Variants in RPS6KA2 observed in about 807,000 individuals in gnomAD.
RPS6KA2 encodes ribosomal protein S6 kinase A2.
In RPS6KA2, 42 loss-of-function variants were observed where a neutral mutation model predicts 91.8. The ratio of observed to expected loss-of-function variants is 0.46; its 90% CI spans 0.36 to 0.59. The LOEUF (loss-of-function observed/expected upper bound fraction) is 0.59. RPS6KA2 is among the 20% of genes least tolerant of loss of function. The pLI, the probability that RPS6KA2 is intolerant of heterozygous loss-of-function variation, is 0.00. For missense variants in RPS6KA2, 798 were observed against 978.5 expected, an observed-to-expected ratio of 0.82 and a Z score of 2.46; for synonymous variants, 414 against 393.6, an observed-to-expected ratio of 1.05 and a Z score of -0.61.
At chr6:166,850,249 A>C (rs983123295) in intron 2 of RPS6KA2, among the ~76,000 whole-genome samples, 19 of 152,182 alleles carry the variant, frequency 1.2e-4, no homozygotes, top group African/African-American at 4.6e-4. Context: ...GAAGGATAAC[A>C]AACTATACAA....
chr6:166,502,440 C>T (rs1782058226), intron 6 of RPS6KA2, among the ~76,000 whole-genome samples: 1 of 152,240 alleles, frequency 6.6e-6, no homozygotes, highest in Non-Finnish European at 1.5e-5. Context: ...ACAACCTTTT[C>T]CTTCAAGCTT....
At chr6:166,723,674 A>T (rs1026634716) in intron 2 of RPS6KA2, among the ~76,000 whole-genome samples, 3 of 151,788 alleles carry the variant, frequency 2.0e-5, no homozygotes, top group African/African-American at 7.3e-5. Flanking sequence ...CCTGAGTCAT[A>T]ATTTCCTTTT....
At position 166,508,428 on chromosome 6, in the gene RPS6KA2, TCA is replaced by T; in HGVS notation, c.380-148_380-147del. 1.6e-6 allele frequency: 1 copy of T among 612,530 alleles called. No individual in the cohort carries two copies. The highest frequency in any genetic ancestry group is 2.8e-5 in the East Asian group (1 of 35,428). The allele number at this position is 612,530 out of a possible 1,614,324, so 37.9% of individuals were successfully genotyped here. ...GGCAGGACCCCGGCTGGTGACCAGC[TCA>T]GAGGGGCAGCACCCGGCAGAGGGGG... is the stretch of plus-strand genomic sequence containing the variant. On this transcript the variant is annotated intron_variant, in intron 4 of 20. Transcript: ENST00000265678. The surrounding 1 kb of genome is among the most constrained non-coding windows in gnomAD (Gnocchi z 4.3).
rs573942012 is a variant in RPS6KA2, at chr6:166,612,682, C to T, written c.99+14239G>A. On this transcript the variant is annotated intron_variant, in intron 1 of 20. Transcript: ENST00000265678. This position sits in a 1 kb window ranked among gnomAD's most constrained non-coding sequence, Gnocchi z 4.3. Reference sequence around the variant, plus strand: ...CTCTGTCCGGGCGTCTGTTGTTACCCATGCTCGGGTAGGAAAATGCTGAGT... The same window carrying T: ...CTCTGTCCGGGCGTCTGTTGTTACCTATGCTCGGGTAGGAAAATGCTGAGT... Among the ~76,000 whole-genome samples the T allele has an allele frequency of 2.0e-5, 3 of 152,304 alleles. No homozygotes were observed. Among genetic ancestry groups the T allele is most frequent in the Non-Finnish European group, 4.4e-5 (3 of 68,024 alleles).
At chr6:166,451,074 C>A (rs923153360) in intron 13 of RPS6KA2, 29 bp downstream of exon 13, 2 of 1,613,296 alleles carry the variant, frequency 1.2e-6, no homozygotes, top group South Asian at 1.1e-5. Flanking sequence ...CCCTCTTACC[C>A]CCAACCCACT....
chr6:166,625,316 T>TCCCCC (rs1378588501), intron 1 of RPS6KA2, among the ~76,000 whole-genome samples: 1 of 73,578 alleles, frequency 1.4e-5, no homozygotes, highest in African/African-American at 7.9e-5. Flanking sequence ...CGTTTCCTAT[T>TCCCCC]CCCACCACCC....
intron 2 of RPS6KA2, among the ~76,000 whole-genome samples, chr6:166,649,574 A>C (rs201229703): frequency 3.3e-5 from 5 of 152,220 alleles, no homozygotes; most frequent in Non-Finnish European, 7.3e-5. Flanking sequence ...TTCTGAGGCC[A>C]ATGGTCTTTT....
At chr6:166,756,741 G>A (rs1017367910) in intron 2 of RPS6KA2, among the ~76,000 whole-genome samples, 1 of 152,164 alleles carries the variant, frequency 6.6e-6, no homozygotes, top group Non-Finnish European at 1.5e-5. Context: ...AGCTACTTAG[G>A]GGGCTGAGGC....
chr6:166,785,172 C>T (rs1445914267), intron 2 of RPS6KA2, among the ~76,000 whole-genome samples: 1 of 152,228 alleles, frequency 6.6e-6, no homozygotes, highest in Non-Finnish European at 1.5e-5. Context: ...AAGGCAGTCT[C>T]ATTCTGAAAT....
At chr6:166,804,670 CTT>C (rs1409358494) in intron 2 of RPS6KA2, among the ~76,000 whole-genome samples, 3 of 151,862 alleles carry the variant, frequency 2.0e-5, no homozygotes, top group Non-Finnish European at 4.4e-5. Context: ...TTTTATATCT[CTT>C]ATTGTTTTGT....
intron 2 of RPS6KA2, chr6:166,701,665 G>T: frequency 3.2e-6 from 4 of 1,264,328 alleles, no homozygotes; most frequent in African/African-American, 1.5e-5. Context: ...GGCTGAAGGG[G>T]GCCCTGAGGT....
rs1056052439 is a variant in RPS6KA2, at chr6:166,495,699, C to T, written c.747+2809G>A. Among the ~76,000 whole-genome samples the T allele has an allele frequency of 6.6e-6, 1 of 152,188 alleles. No individual in the cohort carries two copies. Among genetic ancestry groups the T allele is most frequent in the Admixed American group, 6.5e-5 (1 of 15,288 alleles). On this transcript the variant is annotated intron_variant, in intron 8 of 20. Coordinates refer to ENST00000265678, the MANE Select transcript of RPS6KA2 (RefSeq NM_021135.6). This position sits in a 1 kb window ranked among gnomAD's most constrained non-coding sequence, Gnocchi z 4.4. Reference sequence around the variant, plus strand: ...GGTAAGGTGACTGGTGTTTAAGAAACTCCACGTGCCAGGAGACACTCACAG... The same window carrying T: ...GGTAAGGTGACTGGTGTTTAAGAAATTCCACGTGCCAGGAGACACTCACAG...
At position 166,655,518 on chromosome 6, in the gene RPS6KA2, C is replaced by T. The variant is rs116353415; in HGVS notation, c.124-116734G>A. 2.8e-3 allele frequency among the ~76,000 whole-genome samples: 432 copies of T among 152,326 alleles called. 3 individuals are homozygous for T. The highest frequency in any genetic ancestry group is 9.7e-3 in the African/African-American group (402 of 41,570). ...TCAGGCCGGTCTGCAGAGGATTCTG[C>T]CACAGCCTGGGCTGGAGGCTACACA... On this transcript the variant is annotated intron_variant, in intron 2 of 21. Transcript: ENST00000503859.
intron 1 of RPS6KA2, among the ~76,000 whole-genome samples, chr6:166,613,280 G>A (rs1310600755): frequency 6.6e-6 from 1 of 152,244 alleles, no homozygotes; most frequent in Non-Finnish European, 1.5e-5. Flanking sequence ...TCAGGCGGCT[G>A]GGGTGCAAGA....
At chr6:166,674,685 C>T (rs115261069) in intron 2 of RPS6KA2, among the ~76,000 whole-genome samples, 3,081 of 152,248 alleles carry the variant, frequency 0.02, 92 homozygotes, top group African/African-American at 0.069. Context: ...GTTTTTGTTT[C>T]TGAGATGGAG....
rs912355926 is a variant in RPS6KA2, at chr6:166,852,828, C to A, written c.123+5372G>T. Among the ~76,000 whole-genome samples, 3 of 152,122 alleles carry A rather than the reference C, an allele frequency of 2.0e-5. No homozygotes were observed. Among genetic ancestry groups the A allele is most frequent in the African/African-American group, 7.2e-5 (3 of 41,428 alleles). On this transcript the variant is annotated intron_variant, in intron 2 of 21. Coordinates refer to the RPS6KA2 transcript ENST00000503859. The surrounding 1 kb of genome is among the most constrained non-coding windows in gnomAD (Gnocchi z 4.1). ...CTCAGCTGGTGCTGTGTCTTCAGCA[C>A]CCTCCTTGGCTCAAAGAGACTGTCA...
chr6:166,442,832 G>A (rs1343654748), intron 14 of RPS6KA2, among the ~76,000 whole-genome samples: 1 of 152,190 alleles, frequency 6.6e-6, no homozygotes, highest in Non-Finnish European at 1.5e-5. Flanking sequence ...CTTATGAGAA[G>A]GGGAGATACT....
chr6:166,576,544 A>C (rs1477367155), intron 1 of RPS6KA2, among the ~76,000 whole-genome samples: 1 of 152,210 alleles, frequency 6.6e-6, no homozygotes, highest in African/African-American at 2.4e-5. Context: ...TTTAGCACAG[A>C]GACTGGGCAG....
intron 2 of RPS6KA2, among the ~76,000 whole-genome samples, chr6:166,822,169 T>C (rs1455610286): frequency 6.6e-6 from 1 of 152,232 alleles, no homozygotes; most frequent in Non-Finnish European, 1.5e-5. Flanking sequence ...AGCAATTCCA[T>C]GCTTGACATT....
Sources: gnomAD v4.1 joint callset for allele counts (sites outside exome capture counted in the v4.1 genomes callset) on GRCh38, gnomAD v4.1.1 for gene constraint, Gnocchi (gnomAD v3.1) non-coding constraint, MANE v1.5 for transcripts, NCBI Gene and HGNC (gene_info 2026-07-23, HGNC 2026-07-21) for gene names.